ZNF804B: variants seen among roughly 807,000 people sequenced by gnomAD.
ZNF804B encodes the protein zinc finger 804B.
Under a neutral mutation model 101.4 loss-of-function variants are expected in ZNF804B, and 80 were observed. The observed-to-expected ratio is 0.79, with a 90% CI of 0.66 to 0.95. ZNF804B has a LOEUF of 0.95. ZNF804B is among the 40% of genes least tolerant of loss of function. The pLI is 0.00. For synonymous variants in ZNF804B, 622 were observed against 558.8 expected (o/e 1.11, Z -1.59); for missense variants, 1,673 against 1,561.9 (o/e 1.07, Z -1.20).
At chr7:88,856,731 T>G in intron 1 of ZNF804B, among the ~76,000 whole-genome samples, 1 of 152,120 alleles carries the variant, frequency 6.6e-6, no homozygotes, top group Non-Finnish European at 1.5e-5. Flanking sequence ...CAGTATGATA[T>G]TGGCTGTGGG....
intron 1 of ZNF804B, among the ~76,000 whole-genome samples, chr7:89,005,914 ATTAGTCT>A (rs1014531059): frequency 5.9e-5 from 9 of 152,068 alleles, no homozygotes; most frequent in Non-Finnish European, 1.0e-4. Flanking sequence ...ACAAGACATA[ATTAGTCT>A]TTAATTTACA....
At chr7:89,003,074 G>A (rs202005895) in intron 1 of ZNF804B, among the ~76,000 whole-genome samples, 2 of 151,054 alleles carry the variant, frequency 1.3e-5, no homozygotes. Context: ...AGAGGAAAGG[G>A]TTACGGTAAG....
intron 1 of ZNF804B, among the ~76,000 whole-genome samples, chr7:89,137,421 T>A (rs1368037971): frequency 6.6e-6 from 1 of 152,040 alleles, no homozygotes; most frequent in Non-Finnish European, 1.5e-5. Context: ...GCTGAGGTGG[T>A]CTCAGATGGA....
intron 1 of ZNF804B, among the ~76,000 whole-genome samples, chr7:88,789,116 A>G (rs1302324415): frequency 3.3e-5 from 5 of 152,126 alleles, no homozygotes. Context: ...TAAACAAATA[A>G]CCAAAATAAA....
chr7:89,038,226 T>G (rs1394829376), intron 1 of ZNF804B, among the ~76,000 whole-genome samples: 1 of 152,148 alleles, frequency 6.6e-6, no homozygotes, highest in Non-Finnish European at 1.5e-5. Context: ...GTTTTTAATT[T>G]GTGAGAAACC....
At chr7:89,154,815 A>G (rs1790932457) in intron 1 of ZNF804B, among the ~76,000 whole-genome samples, 1 of 152,146 alleles carries the variant, frequency 6.6e-6, no homozygotes, top group Middle Eastern at 3.2e-3. Flanking sequence ...ATAGCACATC[A>G]GAGTAAATAT....
chr7:88,886,722 T>A (rs1304047640), intron 1 of ZNF804B, among the ~76,000 whole-genome samples: 2 of 151,436 alleles, frequency 1.3e-5, no homozygotes, highest in African/African-American at 4.9e-5. Context: ...CTTTAAGTAA[T>A]CTTAAGAAAA....
chr7:88,975,293 C>G (rs904522354), intron 1 of ZNF804B, among the ~76,000 whole-genome samples: 6 of 151,340 alleles, frequency 4.0e-5, no homozygotes, highest in Non-Finnish European at 8.9e-5. Context: ...GGGTATATTC[C>G]TAGCTGTGGG....
At chr7:88,889,925 T>C (rs1446003816) in intron 1 of ZNF804B, among the ~76,000 whole-genome samples, 1 of 152,190 alleles carries the variant, frequency 6.6e-6, no homozygotes, top group African/African-American at 2.4e-5. Flanking sequence ...ATTTACATCT[T>C]TCATCCTTCT....
At chr7:89,187,397 T>C (rs1584040253) in intron 1 of ZNF804B, among the ~76,000 whole-genome samples, 1 of 152,202 alleles carries the variant, frequency 6.6e-6, no homozygotes, top group South Asian at 2.1e-4. Flanking sequence ...TTATCTTGAA[T>C]GAGTAGAAAC....
intron 1 of ZNF804B, chr7:88,795,608 TCTC>T (rs1790468283): frequency 6.6e-6 from 1 of 152,100 alleles, no homozygotes; most frequent in Non-Finnish European, 1.5e-5. Context: ...TGCTTACAAA[TCTC>T]CTCAATTTTT....
At chr7:89,026,666 A>G (rs1788756931) in intron 1 of ZNF804B, among the ~76,000 whole-genome samples, 1 of 152,142 alleles carries the variant, frequency 6.6e-6, no homozygotes. Flanking sequence ...GATCTTGGGA[A>G]AAAGGAGAAT....
At chr7:88,833,237 GT>G (rs1035974415) in intron 1 of ZNF804B, among the ~76,000 whole-genome samples, 1 of 150,916 alleles carries the variant, frequency 6.6e-6, no homozygotes. Context: ...AAAGAGGTTT[GT>G]TTTTCTAACT....
At chr7:88,890,714 G>A (rs1306900321) in intron 1 of ZNF804B, among the ~76,000 whole-genome samples, 2 of 152,052 alleles carry the variant, frequency 1.3e-5, no homozygotes, top group Non-Finnish European at 2.9e-5. Context: ...TGAGTTATTG[G>A]TGGATACATA....
At chr7:88,902,278 A>T (rs1036041178) in intron 1 of ZNF804B, among the ~76,000 whole-genome samples, 1 of 152,018 alleles carries the variant, frequency 6.6e-6, no homozygotes, top group Non-Finnish European at 1.5e-5. Context: ...AACATTTCAT[A>T]GTTGTCTTAT....
chr7:88,844,258 C>T (rs1191743045), intron 1 of ZNF804B, among the ~76,000 whole-genome samples: 1 of 152,112 alleles, frequency 6.6e-6, no homozygotes, highest in Non-Finnish European at 1.5e-5. Context: ...ATATCTTTTG[C>T]ATTTTTCAGT....
rs144213930 is a variant in ZNF804B, at chr7:89,076,112, T to A, written c.109-142043T>A. Among the ~76,000 whole-genome samples, 164 of 152,326 alleles carry A rather than the reference T, an allele frequency of 1.1e-3. 3 individuals are homozygous for A. The highest frequency in any genetic ancestry group is 2.8e-4 in the Non-Finnish European group (19 of 68,028). On this transcript the variant is annotated intron_variant, in intron 1 of 3. Coordinates refer to ENST00000333190, the MANE Select transcript of ZNF804B (RefSeq NM_181646.5). The stretch of plus-strand genomic sequence containing the variant: ...GATATGATGTTGGACTGTGGACTTT[T>A]GAGTTAATGCTGAAATGAGTTAAGA...
chr7:88,830,762 G>T (rs763394210), intron 1 of ZNF804B, among the ~76,000 whole-genome samples: 1 of 151,748 alleles, frequency 6.6e-6, no homozygotes, highest in Non-Finnish European at 1.5e-5. Context: ...ATATGTGTGT[G>T]TATTTCTTTG....
At chr7:88,823,899 A>C (rs139626111) in intron 1 of ZNF804B, among the ~76,000 whole-genome samples, 19 of 152,288 alleles carry the variant, frequency 1.2e-4, no homozygotes, top group African/African-American at 4.1e-4. Flanking sequence ...AGGAGGTCCT[A>C]TGGTGGCCAC....
Sources: allele counts gnomAD v4.1 joint callset (sites outside exome capture counted in the v4.1 genomes callset), GRCh38; gene constraint gnomAD v4.1.1; transcripts MANE v1.5; gene names NCBI Gene and HGNC (gene_info 2026-07-23, HGNC 2026-07-21).